RLIG1: variants seen among roughly 807,000 people sequenced by gnomAD.
RLIG1 encodes the protein RNA 5'-phosphate and 3'-OH ligase 1.
chr12:88,035,690 G>A, the RLIG1 span: 1 of 1,608,834 alleles, frequency 6.2e-7, no homozygotes, highest in African/African-American at 1.3e-5. Context: ...TGCCGTGTGT[G>A]TTTGTGACGG....
At chr12:88,038,143 C>T in the RLIG1 span, among the ~76,000 whole-genome samples, 22 of 152,022 alleles carry the variant, frequency 1.4e-4, no homozygotes, top group Non-Finnish European at 2.4e-4. Context: ...ACTCATGGTG[C>T]AAAGACATAG....
chr12:88,035,969 T>C, the RLIG1 span: 1 of 1,522,368 alleles, frequency 6.6e-7, no homozygotes, highest in East Asian at 2.5e-5. Context: ...GAATTTTCCT[T>C]ATCAGGAGAT....
chr12:88,043,446 G>A, the RLIG1 span, among the ~76,000 whole-genome samples: 1 of 152,106 alleles, frequency 6.6e-6, no homozygotes, highest in African/African-American at 2.4e-5. Context: ...CTAATCTTAA[G>A]TACAGTCATG....
chr12:88,040,087 T>C, the RLIG1 span: 1 of 825,200 alleles, frequency 1.2e-6, no homozygotes, highest in South Asian at 1.5e-5. Flanking sequence ...CAGGTGAGCA[T>C]GTGTGCAAAG....
chr12:88,047,069 C>T, the RLIG1 span: 1 of 1,248,786 alleles, frequency 8.0e-7, no homozygotes, highest in East Asian at 2.5e-5. Context: ...CAAATGGCAG[C>T]AATTCTTATT....
the RLIG1 span, among the ~76,000 whole-genome samples, chr12:88,037,027 T>C: frequency 1.3e-5 from 2 of 152,202 alleles, no homozygotes; most frequent in Non-Finnish European, 2.9e-5. Context: ...GTATCGTTTA[T>C]AGCATAGCAT....
At chr12:88,038,908 C>G in the RLIG1 span, among the ~76,000 whole-genome samples, 1 of 152,094 alleles carries the variant, frequency 6.6e-6, no homozygotes, top group African/African-American at 2.4e-5. Context: ...TATAATAGCA[C>G]TTGTTTATCA....
At chr12:88,046,781 G>T in the RLIG1 span, 2 of 1,579,902 alleles carry the variant, frequency 1.3e-6, no homozygotes, top group South Asian at 2.3e-5. Flanking sequence ...AAATGAATAT[G>T]GCTAATGGCA....
the RLIG1 span, chr12:88,048,689 AT>A: frequency 4.0e-6 from 1 of 247,672 alleles, no homozygotes; most frequent in Non-Finnish European, 7.6e-6. Flanking sequence ...CTGAGTGGTA[AT>A]TTAAAGACAA....
the RLIG1 span, chr12:88,045,390 TA>T: frequency 1.8e-6 from 1 of 553,912 alleles, no homozygotes; most frequent in Admixed American, 3.4e-5. Flanking sequence ...TTCTACAGAA[TA>T]AAAAATGAAC....
chr12:88,040,440 G>C, the RLIG1 span, among the ~76,000 whole-genome samples: 1 of 152,144 alleles, frequency 6.6e-6, no homozygotes, highest in Non-Finnish European at 1.5e-5. Context: ...TTTCTTCCTG[G>C]TGGAAAAAAG....
the RLIG1 span, chr12:88,040,123 G>A: frequency 5.2e-6 from 7 of 1,356,262 alleles, no homozygotes; most frequent in East Asian, 6.9e-5. Context: ...ATCTTAAACC[G>A]GTTTTCTCTC....
At chr12:88,042,838 T>C in the RLIG1 span, 55 of 1,513,052 alleles carry the variant, frequency 3.6e-5, no homozygotes, top group Non-Finnish European at 4.4e-5. Flanking sequence ...AGCCATACCT[T>C]TGGGCTCGAC....
At chr12:88,037,515 C>CA in the RLIG1 span, among the ~76,000 whole-genome samples, 3 of 152,096 alleles carry the variant, frequency 2.0e-5, no homozygotes, top group Admixed American at 6.5e-5. Context: ...TCTTCCCCCC[C>CA]ACATAGGATC....
At chr12:88,048,120 T>G in the RLIG1 span, 1 of 633,880 alleles carries the variant, frequency 1.6e-6, no homozygotes. Flanking sequence ...AAAAAAACAG[T>G]AAGATAAAGT....
At chr12:88,043,639 G>C in the RLIG1 span, 4 of 1,612,516 alleles carry the variant, frequency 2.5e-6, no homozygotes, top group African/African-American at 5.3e-5. Flanking sequence ...AACCAGCTCC[G>C]GAGTGCTGGA....
At chr12:88,042,612 C>T in the RLIG1 span, 6 of 359,682 alleles carry the variant, frequency 1.7e-5, no homozygotes, top group Non-Finnish European at 3.0e-5. Context: ...CATATATTTA[C>T]TTTTTGTCTC....
the RLIG1 span, chr12:88,040,127 TTCTC>T: frequency 2.1e-5 from 30 of 1,410,654 alleles, no homozygotes; most frequent in Middle Eastern, 1.8e-4. Flanking sequence ...TAAACCGGTT[TTCTC>T]TCTCTCTTTT....
At chr12:88,041,038 A>T in the RLIG1 span, among the ~76,000 whole-genome samples, 1 of 152,194 alleles carries the variant, frequency 6.6e-6, no homozygotes, top group Non-Finnish European at 1.5e-5. Context: ...TGCTACTATC[A>T]TCACCTTCCA....
Sources: gnomAD v4.1 joint callset for allele counts (sites outside exome capture counted in the v4.1 genomes callset) on GRCh38, gnomAD v4.1.1 for gene constraint, MANE v1.5 for transcripts, NCBI Gene and HGNC (gene_info 2026-07-23, HGNC 2026-07-21) for gene names.